TK2: variants seen among roughly 807,000 people sequenced by gnomAD.
TK2 encodes the protein thymidine kinase 2, mitochondrial.
TK2 carries 35 observed loss-of-function variants against 41.9 expected under a neutral mutation model. The observed-to-expected ratio is 0.84, with a 90% CI of 0.64 to 1.11. The LOEUF is 1.11. Ranked by LOEUF, TK2 falls within the 50% of genes least tolerant of loss-of-function variation. TK2 has a pLI of 0.00. For synonymous variants in TK2, 128 were observed against 129.1 expected (o/e 0.99, Z 0.06); for missense variants, 320 against 351.1 (o/e 0.91, Z 0.71).
intron 6 of TK2, chr16:66,524,793 T>C (rs1597086892): frequency 6.6e-6 from 1 of 152,330 alleles, no homozygotes; most frequent in Admixed American, 6.5e-5. Flanking sequence ...GCACAGGTGG[T>C]TGTGGGAGAA....
At chr16:66,543,509 C>A (rs375237391) in intron 2 of TK2, among the ~76,000 whole-genome samples, 8 of 152,198 alleles carry the variant, frequency 5.3e-5, no homozygotes, top group African/African-American at 1.4e-4. Context: ...CCTGAGAACA[C>A]ATTAGACATC....
chr16:66,511,477 G>C lies in TK2; in HGVS notation c.*491C>G. 1 of 244,570 alleles carries C rather than the reference G, an allele frequency of 4.1e-6. No homozygotes were observed. The highest frequency in any genetic ancestry group is 5.0e-5 in the South Asian group (1 of 20,162). 15.1% of individuals were successfully genotyped at this position (244,570 alleles called of 1,614,324 possible). ...AGGAGGCAGCCCAGGGCAAGGGAAA[G>C]TTGCTGAGTCGGCTGAAAGTCTGAA... On this transcript the variant is annotated 3_prime_UTR_variant, in exon 10 of 10. Coordinates refer to ENST00000544898, the MANE Select transcript of TK2 (RefSeq NM_004614.5).
chr16:66,547,482 G>T (rs1301763406), intron 2 of TK2, among the ~76,000 whole-genome samples: 1 of 152,056 alleles, frequency 6.6e-6, no homozygotes, highest in African/African-American at 2.4e-5. Context: ...CACAAGCCCA[G>T]GCCTGCAGGT....
At chr16:66,547,886 CCA>C (rs1965657048) in intron 2 of TK2, 2 of 1,254,978 alleles carry the variant, frequency 1.6e-6, no homozygotes, top group Admixed American at 4.8e-5. Flanking sequence ...GCACATCAAA[CCA>C]CACCCAAAAA....
intron 4 of TK2, among the ~76,000 whole-genome samples, chr16:66,531,803 G>C (rs1258394968): frequency 6.6e-6 from 1 of 152,204 alleles, no homozygotes; most frequent in Non-Finnish European, 1.5e-5. Context: ...CTTACACTTA[G>C]AAAAGCTTAA....
chr16:66,548,150 C>T, intron 2 of TK2: 1 of 395,922 alleles, frequency 2.5e-6, no homozygotes, highest in South Asian at 1.8e-5. Flanking sequence ...CACCCGCTGG[C>T]ATATCCTTCT....
chr16:66,549,957 C>T lies in TK2; in HGVS notation c.105G>A (p.Gln35=). 1 of 1,449,046 alleles carries T rather than the reference C, an allele frequency of 6.9e-7. No homozygotes were observed. Among genetic ancestry groups the T allele is most frequent in the Non-Finnish European group, 9.0e-7 (1 of 1,112,442 alleles). The allele number at this position is 1,449,046 out of a possible 1,614,324, so 89.8% of individuals were successfully genotyped here. The change falls in exon 1 of 10, where the codon CAG becomes CAA. Residue 35 remains glutamine, a synonymous_variant. Transcript: ENST00000544898. ...PASGPGPRRV[Q]RRAWPPDKEQ... The stretch of plus-strand genomic sequence containing the variant: ...CGTTACCGGGAGGCCAGGCCCGGCG[C>T]TGCACCCTCCGCGGCCCGGGGCCTG...
chr16:66,523,438 G>T (rs1368511105), intron 6 of TK2, among the ~76,000 whole-genome samples: 1 of 152,206 alleles, frequency 6.6e-6, no homozygotes, highest in Non-Finnish European at 1.5e-5. Flanking sequence ...TTCTAGGTAT[G>T]GGCAAAGGAC....
Position 66,547,982 on chromosome 16 carries a change from C to T in TK2, c.156+996G>A, listed in dbSNP as rs1165558355. 9 of 1,288,178 alleles carry T rather than the reference C, an allele frequency of 7.0e-6. No homozygotes were observed. In the East Asian group the frequency reaches 3.9e-4, roughly 56 times the overall value. The allele number at this position is 1,288,178 out of a possible 1,614,324, so 79.8% of individuals were successfully genotyped here. A position where few individuals can be genotyped will look rare whatever the true frequency, so the allele number is the denominator to read the frequency against. ...GCACAGTGGCTCACACTTGTCATCA[C>T]AGCTACTCAGGAGGCTGATGCCAGA... On this transcript the variant is annotated intron_variant, in intron 2 of 9. Transcript: ENST00000544898.
At chr16:66,520,167 C>T (rs1017718976) in intron 6 of TK2, among the ~76,000 whole-genome samples, 2 of 152,080 alleles carry the variant, frequency 1.3e-5, no homozygotes, top group African/African-American at 4.8e-5. Context: ...GGAGAAGCTG[C>T]GTGGGAGGCT....
intron 9 of TK2, among the ~76,000 whole-genome samples, chr16:66,512,757 T>G (rs1442357913): frequency 6.6e-6 from 1 of 152,216 alleles, no homozygotes; most frequent in Non-Finnish European, 1.5e-5. Flanking sequence ...CATTCCAGTC[T>G]GGGCAACAGA....
At chr16:66,532,276 C>A (rs1388874192) in intron 4 of TK2, among the ~76,000 whole-genome samples, 13 of 151,844 alleles carry the variant, frequency 8.6e-5, no homozygotes, top group Admixed American at 8.5e-4. Context: ...AGAAAGAAAT[C>A]AAGAAAGGAA....
chr16:66,527,302 T>G (rs1360941645), intron 6 of TK2, among the ~76,000 whole-genome samples: 1 of 152,046 alleles, frequency 6.6e-6, no homozygotes, highest in East Asian at 1.9e-4. Flanking sequence ...ATGCTCTGGG[T>G]GGATTTGGGG....
intron 1 of TK2, chr16:66,549,617 C>T (rs935811130): frequency 2.9e-5 from 34 of 1,155,890 alleles, no homozygotes; most frequent in Non-Finnish European, 3.6e-5. Context: ...CTCCCAGTCC[C>T]CATCGCCCCC....
rs184142912 is a variant in TK2 at position 66,527,546 on chromosome 16, G to C, written c.449+1448C>G. Among the ~76,000 whole-genome samples the C allele has an allele frequency of 4.2e-3, 643 of 152,286 alleles. 3 individuals carry two copies. Among genetic ancestry groups the C allele is most frequent in the Middle Eastern group, 0.017 (5 of 294 alleles). ...CCTGCTCTGTGCTGGGTCCACCCTAGGCAAGGACAACAAACTTGGTGCCTG... is the reference window on the plus strand; with the variant it reads ...CCTGCTCTGTGCTGGGTCCACCCTACGCAAGGACAACAAACTTGGTGCCTG... On this transcript the variant is annotated intron_variant, in intron 6 of 9. Transcript: ENST00000544898.
At position 66,524,683 on chromosome 16, in the gene TK2, G is replaced by A. The variant is rs118180919; in HGVS notation, c.449+4311C>T. 1.5e-3 allele frequency among the ~76,000 whole-genome samples: 228 copies of A among 152,254 alleles called. 1 individual carries two copies. Among genetic ancestry groups the A allele is most frequent in the Non-Finnish European group, 2.7e-3 (185 of 68,014 alleles). On this transcript the variant is annotated intron_variant, in intron 6 of 9. Transcript: ENST00000544898. The stretch of plus-strand genomic sequence containing the variant: ...CCGTATTCCTCAAAGTGTGATCCCC[G>A]ACCAGTAGGAGTATGGTCCCACCTG...
intron 4 of TK2, among the ~76,000 whole-genome samples, chr16:66,534,172 C>T (rs564972189): frequency 1.3e-5 from 2 of 152,184 alleles, no homozygotes; most frequent in East Asian, 1.9e-4. Flanking sequence ...CCATGTGACA[C>T]CCTGTACCAC....
intron 6 of TK2, among the ~76,000 whole-genome samples, chr16:66,528,499 C>T (rs747312224): frequency 7.9e-5 from 12 of 152,230 alleles, no homozygotes; most frequent in Non-Finnish European, 1.6e-4. Context: ...CTGGACCCTC[C>T]CACCTTTCCA....
intron 4 of TK2, among the ~76,000 whole-genome samples, chr16:66,534,007 CAAAAAAAAAAA>C (rs11383723): frequency 6.2e-5 from 6 of 97,356 alleles, no homozygotes; most frequent in Non-Finnish European, 9.4e-5. Context: ...GACTCTGTCT[CAAAAAAAAAAA>C]AAAAAAAAAG....
Sources: allele counts gnomAD v4.1 joint callset (sites outside exome capture counted in the v4.1 genomes callset), GRCh38; gene constraint gnomAD v4.1.1; transcripts MANE v1.5; gene names NCBI Gene and HGNC (gene_info 2026-07-23, HGNC 2026-07-21).